SRRM2: variants seen among roughly 807,000 people sequenced by gnomAD.
SRRM2 encodes the protein serine/arginine repetitive matrix 2, also known as serine/arginine repetitive matrix protein 2.
In SRRM2, 30 loss-of-function variants were observed where a neutral mutation model predicts 213.8. That is an observed-to-expected ratio of 0.14 (90% CI 0.10 to 0.19). The LOEUF (loss-of-function observed/expected upper bound fraction) is 0.19, where lower values mean the gene tolerates loss of function less well. Among genes scored for constraint, SRRM2 ranks in the 10% least tolerant of loss-of-function variants. The pLI is 1.00. For synonymous variants in SRRM2, 2,025 were observed against 1,377.7 expected, an observed-to-expected ratio of 1.47 and a Z score of -10.40; for missense variants, 4,904 against 3,647.0, an observed-to-expected ratio of 1.34 and a Z score of -8.88.
chr16:2,752,702 T>G lies in SRRM2; in HGVS notation c.-176T>G. 1 of 340,750 alleles carries G rather than the reference T, an allele frequency of 2.9e-6. No individual in the cohort carries two copies. The highest frequency in any genetic ancestry group is 2.0e-5 in the South Asian group (1 of 51,140). 21.1% of individuals were successfully genotyped at this position (340,750 alleles called of 1,614,324 possible). ...CGCAGTTGGAGCCCGTTGCGGCCCC[T>G]GAGGAAGCGAGGAGGCGTCGGCGTC... On this transcript the variant is annotated 5_prime_UTR_variant, in exon 1 of 15. Coordinates refer to ENST00000301740, the MANE Select transcript of SRRM2 (RefSeq NM_016333.4).
In SRRM2 at chr16:2,756,580, G is replaced by A. The variant is rs1398364832; in HGVS notation, c.216G>A (p.Glu72=). 3 of 1,613,632 alleles carry A rather than the reference G, an allele frequency of 1.9e-6. No individual in the cohort carries two copies. In the African/African-American group the frequency reaches 4.0e-5, roughly 22 times the overall value. ...GGCGCGTCGAGCTGCGATGCCTCGA[G>A]CTGGAGGAGATGATGGAAGAGCAGG... ...RKRRVELRCL[E]LEEMMEEQGY... The change falls in exon 2 of 15, where the codon GAG becomes GAA. Residue 72 remains glutamate, a synonymous_variant. Coordinates refer to ENST00000301740, the MANE Select transcript of SRRM2 (RefSeq NM_016333.4).
Position 2,770,893 on chromosome 16 carries a change from C to T in SRRM2, c.*26C>T, listed in dbSNP as rs760909959. On this transcript the variant is annotated 3_prime_UTR_variant, in exon 15 of 15. Coordinates refer to ENST00000301740, the MANE Select transcript of SRRM2 (RefSeq NM_016333.4). ...ATTGTCTTTGGGGGATTCCACCACA[C>T]CCAATGCTCTGGAGCCACAAGGAGT... The T allele has an allele frequency of 3.1e-6, 5 of 1,613,576 alleles. No individual in the cohort carries two copies. Among genetic ancestry groups the T allele is most frequent in the Admixed American group, 3.3e-5 (2 of 60,008 alleles).
Position 2,763,611 on chromosome 16 carries a change from G to A in SRRM2, c.3083G>A (p.Ser1028Asn), listed in dbSNP as rs1302949148. 1.2e-6 allele frequency: 2 copies of A among 1,614,098 alleles called. No homozygotes were observed. Among genetic ancestry groups the A allele is most frequent in the South Asian group, 2.2e-5 (2 of 91,084 alleles). The part of the protein sequence containing the change: ...QEKSKDSLVQ[S>N]CPGSLSLCAG... ...AAGTCTAAAGACTCACTAGTTCAAA[G>A]TTGCCCTGGATCCCTCTCTCTCTGT... is the stretch of plus-strand genomic sequence containing the variant. Residue 1028 changes from serine to asparagine, a missense_variant, in exon 11 of 15, where the codon AGT (serine) becomes AAT (asparagine). Ser to Asn is a conservative substitution (Grantham distance 46). Transcript: ENST00000301740.
Position 2,761,929 on chromosome 16 carries a change from A to G in SRRM2, c.1401A>G (p.Ala467=). The change falls in exon 11 of 15, where the codon GCA becomes GCG. Residue 467 remains alanine, a synonymous_variant. Coordinates refer to ENST00000301740, the MANE Select transcript of SRRM2 (RefSeq NM_016333.4). ...CTAAGAATCGCTCACATGGCCGAGC[A>G]AAACGGGATAAATCACATTCTCATA... ...PTSKNRSHGR[A]KRDKSHSHTP... The G allele has an allele frequency of 6.2e-7, 1 of 1,613,944 alleles. No individual in the cohort carries two copies. Among genetic ancestry groups the G allele is most frequent in the Non-Finnish European group, 8.5e-7 (1 of 1,179,996 alleles).
In SRRM2 at chr16:2,767,783, A is replaced by G. The variant is rs1260938932; in HGVS notation, c.7255A>G (p.Met2419Val). ...ACCGTCTGCCCCAAGCCAATCTAGG[A>G]TGACCTCTGAACGGGCTCCCTCCCC... ...TPPSAPSQSR[M>V]TSERAPSPSS... Residue 2419 changes from methionine to valine, a missense_variant, in exon 11 of 15, where the codon ATG becomes GTG. Met to Val is a conservative substitution (Grantham distance 21). Coordinates refer to ENST00000301740, the MANE Select transcript of SRRM2 (RefSeq NM_016333.4). 1.9e-6 allele frequency: 3 copies of G among 1,613,802 alleles called. No homozygotes were observed. The African/African-American group carries it at 4.0e-5, about 22-fold the overall frequency.
At chr16:2,761,485 G>A in intron 10 of SRRM2, 76 bp from the exon 11 acceptor site, 1 of 1,218,068 alleles carries the variant, frequency 8.2e-7, no homozygotes. Flanking sequence ...CATTGGAAAG[G>A]GTGTTGGGAT....
chr16:2,760,571 G>T (rs1373585844), intron 10 of SRRM2, 72 bp downstream of exon 10: 4 of 1,529,552 alleles, frequency 2.6e-6, no homozygotes, highest in Non-Finnish European at 2.7e-6. Context: ...TGATGTGAAA[G>T]GGAGAGGTAA....
At position 2,761,560 on chromosome 16, in the gene SRRM2, G is replaced by A; in HGVS notation, c.1033-1G>A. ...ATCCCTGCTCTCTCTTCCACTCTTA[G>A]AAATCTGCAACTCGACCTAGCCCCT... On this transcript the variant is annotated splice_acceptor_variant, in intron 10 of 14. Coordinates refer to ENST00000301740, the MANE Select transcript of SRRM2 (RefSeq NM_016333.4). LOFTEE classifies it high-confidence loss of function. The A allele has an allele frequency of 6.7e-7, 1 of 1,500,694 alleles. No individual in the cohort carries two copies. Among genetic ancestry groups the A allele is most frequent in the Non-Finnish European group, 8.9e-7 (1 of 1,126,146 alleles). The allele number at this position is 1,500,694 out of a possible 1,614,324, so 93.0% of individuals were successfully genotyped here. A position where few individuals can be genotyped will look rare whatever the true frequency, so the allele number is the denominator to read the frequency against.
intron 12 of SRRM2, 160 bp downstream of exon 12, chr16:2,769,444 C>T: frequency 2.3e-6 from 2 of 861,542 alleles, no homozygotes; most frequent in Non-Finnish European, 3.6e-6. Context: ...GCTCGTTGCA[C>T]CCTGTTCTGG....
At chr16:2,758,372 T>C in intron 4 of SRRM2, 98 bp from the exon 5 acceptor site, 1 of 1,146,614 alleles carries the variant, frequency 8.7e-7, no homozygotes, top group Admixed American at 1.9e-5. Flanking sequence ...CTCTTATTTT[T>C]TTATTTTTAT....
rs146687503 is a variant in SRRM2 at position 2,765,677 on chromosome 16, C to T, written c.5149C>T (p.Arg1717Cys). 3.5e-5 allele frequency: 57 copies of T among 1,614,044 alleles called. No individual in the cohort carries two copies. Among genetic ancestry groups the T allele is most frequent in the East Asian group, 2.9e-4 (13 of 44,888 alleles). Residue 1717 changes from arginine (R) to cysteine (C), a missense_variant, in exon 11 of 15, where the codon CGC (arginine) becomes TGC (cysteine). Transcript: ENST00000301740. The part of the protein sequence containing the change: ...SRSASSSPET[R>C]SRTPPRHRRS... ...CTCTGCCTCATCCTCACCAGAAACT[C>T]GCTCTAGAACTCCCCCAAGGCACCG...
At chr16:2,759,960 C>T (rs1243173433) in intron 9 of SRRM2, 5 of 532,952 alleles carry the variant, frequency 9.4e-6, no homozygotes, top group Non-Finnish European at 1.7e-5. Context: ...GAATCCTTAC[C>T]CTGGCTTCCT....
At position 2,763,664 on chromosome 16, in the gene SRRM2, G is replaced by A; in HGVS notation, c.3136G>A (p.Gly1046Ser). Residue 1046 changes from glycine (G) to serine (S), a missense_variant, in exon 11 of 15, where the codon GGC (glycine) becomes AGC (serine). By Grantham distance (56) the Gly-to-Ser change is moderately conservative. Coordinates refer to ENST00000301740, the MANE Select transcript of SRRM2 (RefSeq NM_016333.4). ...CAGVKSSTPPGESYFGVSSLQ... is the reference protein window; with the variant it reads ...CAGVKSSTPPSESYFGVSSLQ... ...AGGAGTAAAATCTAGCACACCACCA[G>A]GCGAGAGCTATTTTGGTGTCTCATC... The A allele has an allele frequency of 6.2e-7, 1 of 1,614,158 alleles. No individual in the cohort carries two copies. The highest frequency in any genetic ancestry group is 1.3e-5 in the African/African-American group (1 of 75,050).
Position 2,766,311 on chromosome 16 carries a change from C to T in SRRM2, c.5783C>T (p.Pro1928Leu), listed in dbSNP as rs756415243. 1.2e-6 allele frequency: 2 copies of T among 1,614,180 alleles called. No homozygotes were observed. Among genetic ancestry groups the T allele is most frequent in the Non-Finnish European group, 1.7e-6 (2 of 1,180,014 alleles). The stretch of plus-strand genomic sequence containing the variant: ...AGAAGGCGATCCAGATCCAGAACGC[C>T]ACCAGTAACCCGCCGTCGTTCAAGG... ...VSRRRSRSRT[P>L]PVTRRRSRSR... Residue 1928 changes from proline to leucine, a missense_variant, in exon 11 of 15, where the codon CCA becomes CTA. Coordinates refer to ENST00000301740, the MANE Select transcript of SRRM2 (RefSeq NM_016333.4). The surrounding 1 kb of genome is among the most constrained non-coding windows in gnomAD (Gnocchi z 7.0).
intron 1 of SRRM2, among the ~76,000 whole-genome samples, chr16:2,754,078 C>CAT (rs1405414175): frequency 6.6e-6 from 1 of 152,114 alleles, no homozygotes; most frequent in Admixed American, 6.5e-5. Context: ...TTTTGCATAT[C>CAT]CACTGTCTAT....
rs1596276254 is a variant in SRRM2 at position 2,762,286 on chromosome 16, T to C, written c.1758T>C (p.Ser586=). The change falls in exon 11 of 15, where the codon TCT becomes TCC. Residue 586 remains serine (S), a synonymous_variant. Coordinates refer to ENST00000301740, the MANE Select transcript of SRRM2 (RefSeq NM_016333.4). ...RTPARRGRSR[S]RTPARRRSRS... The stretch of plus-strand genomic sequence containing the variant: ...CAGCCCGCCGGGGCAGGTCCCGCTC[T>C]AGAACACCTGCCAGGCGGAGATCAC... The C allele has an allele frequency of 6.2e-7, 1 of 1,614,088 alleles. No homozygotes were observed. The highest frequency in any genetic ancestry group is 1.1e-5 in the South Asian group (1 of 91,076).
chr16:2,766,203 C>G lies in SRRM2; in HGVS notation c.5675C>G (p.Thr1892Ser). 2 of 1,614,218 alleles carry G rather than the reference C, an allele frequency of 1.2e-6. No homozygotes were observed. Among genetic ancestry groups the G allele is most frequent in the Non-Finnish European group, 1.7e-6 (2 of 1,180,040 alleles). Residue 1892 changes from threonine (T) to serine (S), a missense_variant, in exon 11 of 15, where the codon ACT becomes AGT. Thr to Ser is a moderately conservative substitution (Grantham distance 58). Coordinates refer to ENST00000301740, the MANE Select transcript of SRRM2 (RefSeq NM_016333.4). The surrounding 1 kb of genome is among the most constrained non-coding windows in gnomAD (Gnocchi z 7.0). ...AGCCGACGTAGGTCCAGATCTCGAA[C>G]TTCACCAGTCAGCCGGAGACGGTCA... ...LISRRRSRSR[T>S]SPVSRRRSRS...
rs144129267 is a variant in SRRM2, at chr16:2,766,685, C to T, written c.6157C>T (p.Arg2053Cys). The T allele has an allele frequency of 5.4e-5, 87 of 1,614,204 alleles. 1 individual carries two copies. The East Asian group carries it at 8.5e-4, about 16-fold the overall frequency. ...RSRSPLAIRR[R>C]SRSRTPRTAR... is the part of the protein sequence containing the mutation. The stretch of plus-strand genomic sequence containing the variant: ...TCGCTCACCACTTGCTATCCGCCGC[C>T]GCTCCAGATCCCGTACTCCACGAAC... The change falls in exon 11 of 15, where the codon CGC becomes TGC. Residue 2053 changes from arginine (R) to cysteine (C), a missense_variant. Physicochemically the swap from Arg to Cys is radical, Grantham distance 180. Transcript: ENST00000301740. The surrounding 1 kb of genome is among the most constrained non-coding windows in gnomAD (Gnocchi z 7.0).
At chr16:2,758,767 G>T (rs1017048469) in intron 5 of SRRM2, 1 of 680,398 alleles carries the variant, frequency 1.5e-6, no homozygotes, top group Admixed American at 2.9e-5. Context: ...GCAGCATTTT[G>T]GATTCTGGAA....
Sources: gnomAD v4.1 joint callset for allele counts (sites outside exome capture counted in the v4.1 genomes callset) on GRCh38, gnomAD v4.1.1 for gene constraint, Gnocchi (gnomAD v3.1) non-coding constraint, MANE v1.5 for transcripts, NCBI Gene and HGNC (gene_info 2026-07-23, HGNC 2026-07-21) for gene names.